The following GALNTL6 variants were observed in gnomAD, a reference collection of about 807,000 sequenced individuals.
GALNTL6 encodes the protein polypeptide N-acetylgalactosaminyltransferase like 6, also known as polypeptide N-acetylgalactosaminyltransferase-like 6.
Under a neutral mutation model 73.7 loss-of-function variants are expected in GALNTL6, and 46 were observed. The ratio of observed to expected loss-of-function variants is 0.62; its 90% CI spans 0.49 to 0.80. The LOEUF (loss-of-function observed/expected upper bound fraction) is 0.80. GALNTL6 is among the 30% of genes least tolerant of loss of function. The pLI, the probability that GALNTL6 is intolerant of heterozygous loss-of-function variation, is 0.00. For missense variants in GALNTL6, 604 were observed against 755.0 expected (o/e 0.80, Z 2.34); for synonymous variants, 259 against 263.7 (o/e 0.98, Z 0.17).
intron 5 of GALNTL6, among the ~76,000 whole-genome samples, chr4:172,723,259 G>A (rs989590949): frequency 6.6e-6 from 1 of 152,178 alleles, no homozygotes; most frequent in Non-Finnish European, 1.5e-5. Flanking sequence ...TGCTAGAGAT[G>A]AGAATGTGGA....
At chr4:171,870,359 C>T (rs2110893593) in intron 2 of GALNTL6, among the ~76,000 whole-genome samples, 1 of 152,258 alleles carries the variant, frequency 6.6e-6, no homozygotes, top group South Asian at 2.1e-4. Context: ...CACAAAGAGG[C>T]CTCTTCCAGA....
At chr4:172,051,671 T>C (rs1010913243) in intron 2 of GALNTL6, among the ~76,000 whole-genome samples, 2 of 152,136 alleles carry the variant, frequency 1.3e-5, no homozygotes, top group Admixed American at 1.3e-4. Context: ...TTCTGTAGCA[T>C]GGGGTCTGAA....
Position 172,709,137 on chromosome 4 carries a change from C to T in GALNTL6, c.554-100224C>T, listed in dbSNP as rs1734541459. ...CCCTACTCAAAAGAGTTGATGATCACATGCAGGTTTTCTCTCCTTCTGGCC... is the reference window on the plus strand; with the variant it reads ...CCCTACTCAAAAGAGTTGATGATCATATGCAGGTTTTCTCTCCTTCTGGCC... On this transcript the variant is annotated intron_variant, in intron 5 of 12. Coordinates refer to ENST00000506823, the MANE Select transcript of GALNTL6 (RefSeq NM_001034845.3). Among the ~76,000 whole-genome samples the T allele has an allele frequency of 2.6e-5, 4 of 152,180 alleles. No homozygotes were observed. In the South Asian group the frequency reaches 8.3e-4, roughly 31 times the overall value.
At chr4:173,023,386 A>G (rs1184657874) in intron 12 of GALNTL6, among the ~76,000 whole-genome samples, 1 of 152,206 alleles carries the variant, frequency 6.6e-6, no homozygotes, top group Admixed American at 6.5e-5. Flanking sequence ...AGCCGAGCAC[A>G]GTAGCTCACG....
At chr4:172,201,980 G>A (rs1299359290) in intron 2 of GALNTL6, among the ~76,000 whole-genome samples, 1 of 152,124 alleles carries the variant, frequency 6.6e-6, no homozygotes, top group Non-Finnish European at 1.5e-5. Flanking sequence ...GCTTCTTGAT[G>A]CCTTGCCACC....
chr4:171,825,896 G>C (rs1189032583), intron 2 of GALNTL6, among the ~76,000 whole-genome samples: 2 of 152,130 alleles, frequency 1.3e-5, no homozygotes, highest in Non-Finnish European at 2.9e-5. Flanking sequence ...TGTGTGATGT[G>C]AGAAATATTT....
intron 3 of GALNTL6, among the ~76,000 whole-genome samples, chr4:172,311,284 G>C (rs1398223239): frequency 6.6e-6 from 1 of 152,050 alleles, no homozygotes. Flanking sequence ...TAAATAAAAA[G>C]TATACAATTA....
intron 5 of GALNTL6, among the ~76,000 whole-genome samples, chr4:172,789,951 G>A (rs979962028): frequency 2.0e-5 from 3 of 152,218 alleles, no homozygotes; most frequent in South Asian, 2.1e-4. Context: ...ATAAGACCAC[G>A]TGCACCAAGC....
intron 2 of GALNTL6, among the ~76,000 whole-genome samples, chr4:171,838,181 T>C (rs2110838032): frequency 6.6e-6 from 1 of 152,154 alleles, no homozygotes; most frequent in Non-Finnish European, 1.5e-5. Flanking sequence ...TGACGTGCAA[T>C]GGCGCCATCT....
intron 5 of GALNTL6, among the ~76,000 whole-genome samples, chr4:172,448,047 A>G (rs1468325117): frequency 6.6e-6 from 1 of 152,182 alleles, no homozygotes; most frequent in African/African-American, 2.4e-5. Flanking sequence ...TGTTTCTAAA[A>G]CATGAATGAT....
At chr4:172,101,455 G>T (rs373902495) in intron 2 of GALNTL6, among the ~76,000 whole-genome samples, 1 of 150,368 alleles carries the variant, frequency 6.7e-6, no homozygotes, top group African/African-American at 2.5e-5. Flanking sequence ...TTCTGCTGAC[G>T]AGAGAGAGAG....
intron 5 of GALNTL6, among the ~76,000 whole-genome samples, chr4:172,370,487 T>A (rs2111257180): frequency 6.6e-6 from 1 of 151,582 alleles, no homozygotes; most frequent in Non-Finnish European, 1.5e-5. Context: ...TTAGCCAGGC[T>A]AATTTTGGTG....
chr4:172,182,800 CA>C lies in GALNTL6; in HGVS notation c.139-46850del, dbSNP rs1048231891. Among the ~76,000 whole-genome samples, 12 of 151,954 alleles carry C rather than the reference CA, an allele frequency of 7.9e-5. No homozygotes were observed. In the East Asian group the frequency reaches 1.4e-3, roughly 17 times the overall value. On this transcript the variant is annotated intron_variant, in intron 2 of 12. Coordinates refer to ENST00000506823, the MANE Select transcript of GALNTL6 (RefSeq NM_001034845.3). The stretch of plus-strand genomic sequence containing the variant: ...CGTAAATTCATACATCAGATTTTCA[CA>C]AAAAATATACTCATTGATATTTATA...
Position 172,911,806 on chromosome 4 carries a change from C to A in GALNTL6, c.1042-19355C>A, listed in dbSNP as rs116014147. Among the ~76,000 whole-genome samples the A allele has an allele frequency of 7.2e-3, 1,103 of 152,274 alleles. 11 individuals are homozygous for A. Among genetic ancestry groups the A allele is most frequent in the African/African-American group, 0.026 (1,063 of 41,546 alleles). The stretch of plus-strand genomic sequence containing the variant: ...CCTAGGGGCAATTATGAATTCCTTC[C>A]AGTTGTTCCTTCCTTTATGTCTAAT... On this transcript the variant is annotated intron_variant, in intron 8 of 12. Transcript: ENST00000506823.
intron 10 of GALNTL6, among the ~76,000 whole-genome samples, chr4:172,967,913 C>T (rs568008956): frequency 2.6e-5 from 4 of 152,138 alleles, no homozygotes; most frequent in African/African-American, 9.6e-5. Context: ...CAAGTACTTC[C>T]CTGTTGAAAA....
chr4:172,731,419 T>G (rs1196337860), intron 5 of GALNTL6, among the ~76,000 whole-genome samples: 1 of 152,120 alleles, frequency 6.6e-6, no homozygotes, highest in East Asian at 1.9e-4. Context: ...ATTTGCTGAT[T>G]TTATTTATTT....
chr4:171,880,097 T>C (rs17057538), intron 2 of GALNTL6, among the ~76,000 whole-genome samples: 84,126 of 151,954 alleles, frequency 0.55, 26,000 homozygotes, highest in African/African-American at 0.85. Context: ...ACATCTAAGG[T>C]AAAATTCTAA....
At chr4:172,775,075 T>A (rs545493160) in intron 5 of GALNTL6, among the ~76,000 whole-genome samples, 19 of 151,956 alleles carry the variant, frequency 1.3e-4, no homozygotes, top group African/African-American at 4.1e-4. Flanking sequence ...CTGAGTCAAA[T>A]GATGGCAATA....
intron 5 of GALNTL6, among the ~76,000 whole-genome samples, chr4:172,519,338 A>G (rs564663931): frequency 6.6e-6 from 1 of 151,260 alleles, no homozygotes; most frequent in Admixed American, 6.6e-5. Flanking sequence ...TTAAAGCAAA[A>G]AAGCAACAGG....
Sources: gnomAD v4.1 joint callset for allele counts (sites outside exome capture counted in the v4.1 genomes callset) on GRCh38, gnomAD v4.1.1 for gene constraint, MANE v1.5 for transcripts, NCBI Gene and HGNC (gene_info 2026-07-23, HGNC 2026-07-21) for gene names.